The following SESN1 variants were observed in gnomAD, a reference collection of about 807,000 sequenced individuals.
SESN1 encodes the protein sestrin 1, also known as sestrin-1.
In SESN1, 30 loss-of-function variants were observed where a neutral mutation model predicts 59.3. The ratio of observed to expected loss-of-function variants is 0.51; its 90% CI spans 0.38 to 0.69. The LOEUF is 0.69. Among genes scored for constraint, SESN1 ranks in the 30% least tolerant of loss-of-function variants. The pLI, the probability that SESN1 is intolerant of heterozygous loss-of-function variation, is 0.00. For synonymous variants in SESN1, 197 were observed against 219.9 expected (o/e 0.90, Z 0.92); for missense variants, 566 against 673.0 (o/e 0.84, Z 1.76).
intron 1 of SESN1, among the ~76,000 whole-genome samples, chr6:109,061,791 G>A (rs1223504469): frequency 7.2e-5 from 11 of 152,010 alleles, no homozygotes; most frequent in African/African-American, 2.4e-4. Flanking sequence ...GCAACAGAGC[G>A]AGATCCTGTC....
Position 108,992,863 on chromosome 6 carries a change from C to T in SESN1, c.1157G>A (p.Arg386His), listed in dbSNP as rs780468161. 1.2e-5 allele frequency: 20 copies of T among 1,613,068 alleles called. No individual in the cohort carries two copies. Among genetic ancestry groups the T allele is most frequent in the Middle Eastern group, 1.6e-4 (1 of 6,080 alleles). ...GCCATAACTAGTATCCTCAAAATGA[C>T]GAGATACAGCTCTTGCTGGTGTAAC... ...EEVTPARAVS[R>H]HFEDTSYGYK... The change falls in exon 7 of 10, where the codon CGT becomes CAT. Residue 386 changes from arginine to histidine, a missense_variant. By Grantham distance (29) the Arg-to-His change is conservative. Transcript: ENST00000436639.
chr6:109,087,521 G>A (rs1258114852), intron 1 of SESN1, among the ~76,000 whole-genome samples: 1 of 152,144 alleles, frequency 6.6e-6, no homozygotes, highest in Non-Finnish European at 1.5e-5. Flanking sequence ...CTGAGGGAAA[G>A]GGACCGAGTT....
chr6:109,040,294 C>A (rs897700507), intron 1 of SESN1, among the ~76,000 whole-genome samples: 1 of 151,938 alleles, frequency 6.6e-6, no homozygotes, highest in African/African-American at 2.4e-5. Flanking sequence ...TTTAAATACA[C>A]CTTTTTGAAC....
At chr6:109,066,430 G>A (rs1780827339) in intron 1 of SESN1, among the ~76,000 whole-genome samples, 1 of 151,792 alleles carries the variant, frequency 6.6e-6, no homozygotes, top group African/African-American at 2.4e-5. Flanking sequence ...GAAGGAATGT[G>A]GATCCCTCTG....
In SESN1 at chr6:109,038,985, A is replaced by G. The variant is rs6934573; in HGVS notation, c.280-36642T>C. Among the ~76,000 whole-genome samples, 1,307 of 151,012 alleles carry G rather than the reference A, an allele frequency of 8.7e-3. 21 individuals carry two copies. The highest frequency in any genetic ancestry group is 0.029 in the African/African-American group (1,209 of 41,090). ...GGAGAAGAAGGAAAAGAAAAAGAAG[A>G]AGGAGGAGGAGGAGAAAAGAAGAAA... is the stretch of plus-strand genomic sequence containing the variant. On this transcript the variant is annotated intron_variant, in intron 1 of 9. Transcript: ENST00000436639.
At position 109,094,009 on chromosome 6, in the gene SESN1, T is replaced by C. The variant is rs1273163421; in HGVS notation, c.65A>G (p.Glu22Gly). 1.2e-6 allele frequency: 2 copies of C among 1,614,192 alleles called. No homozygotes were observed. The highest frequency in any genetic ancestry group is 8.5e-7 in the Non-Finnish European group (1 of 1,180,026). The change falls in exon 1 of 10, where the codon GAG (glutamate) becomes GGG (glycine). Residue 22 changes from glutamate (E) to glycine (G), a missense_variant. By Grantham distance (98) the Glu-to-Gly change is moderately conservative. Transcript: ENST00000436639. ...TTGCCTAATGTTTTCCAATGCTGTC[T>C]CCCTAGTAGTTGAATCTCTGCTGCA... ...GLCSRDSTTR[E>G]TALENIRQTI...
At chr6:108,993,277 A>AT (rs1779428655) in intron 6 of SESN1, among the ~76,000 whole-genome samples, 1 of 150,640 alleles carries the variant, frequency 6.6e-6, no homozygotes, top group Non-Finnish European at 1.5e-5. Flanking sequence ...CACTTAGATT[A>AT]TTTTTGTTGA....
chr6:109,067,537 C>G (rs1325987921), intron 1 of SESN1, among the ~76,000 whole-genome samples: 1 of 152,206 alleles, frequency 6.6e-6, no homozygotes, highest in Non-Finnish European at 1.5e-5. Context: ...GGCAGAGCCT[C>G]ATTCCTATGG....
chr6:109,008,861 T>C, intron 1 of SESN1: 1 of 985,812 alleles, frequency 1.0e-6, no homozygotes, highest in South Asian at 4.7e-5. Flanking sequence ...CATCATCTCT[T>C]CCCTGAGTCA....
At chr6:109,015,070 TA>T (rs2114357030) in intron 1 of SESN1, among the ~76,000 whole-genome samples, 1 of 152,306 alleles carries the variant, frequency 6.6e-6, no homozygotes, top group South Asian at 2.1e-4. Context: ...ATGTTTCCAT[TA>T]AAAAATTGTT....
chr6:108,995,195 T>C (rs1341467100), intron 5 of SESN1, among the ~76,000 whole-genome samples: 1 of 152,198 alleles, frequency 6.6e-6, no homozygotes, highest in Non-Finnish European at 1.5e-5. Context: ...TTACCATTTA[T>C]GCTGTTTTAA....
intron 1 of SESN1, among the ~76,000 whole-genome samples, chr6:109,066,456 G>A (rs1252089303): frequency 1.3e-5 from 2 of 152,058 alleles, no homozygotes; most frequent in Non-Finnish European, 2.9e-5. Flanking sequence ...AAATGAAAAA[G>A]AAAGTAGGTG....
chr6:109,085,515 T>TCACACACACACACACA (rs59793015), intron 1 of SESN1, among the ~76,000 whole-genome samples: 7 of 148,414 alleles, frequency 4.7e-5, no homozygotes, highest in African/African-American at 1.7e-4. Context: ...TGACACTCCG[T>TCACACACACACACACA]CACACACACA....
chr6:109,027,363 G>A (rs750951370), intron 1 of SESN1, among the ~76,000 whole-genome samples: 1 of 150,020 alleles, frequency 6.7e-6, no homozygotes, highest in African/African-American at 2.5e-5. Context: ...TGTAATCCCA[G>A]CTACTTAGGA....
chr6:109,059,096 T>TACACACACACACACACACACACAC (rs373238799), intron 1 of SESN1, among the ~76,000 whole-genome samples: 2 of 149,718 alleles, frequency 1.3e-5, no homozygotes, highest in South Asian at 4.2e-4. Flanking sequence ...TATCACTTCA[T>TACACACACACACACACACACACAC]ACACACACAC....
chr6:109,068,412 C>T (rs1780871084), intron 1 of SESN1, among the ~76,000 whole-genome samples: 1 of 151,998 alleles, frequency 6.6e-6, no homozygotes, highest in Admixed American at 6.6e-5. Flanking sequence ...GCTAAATAAA[C>T]ATGTCAATAG....
At chr6:108,988,757 C>T (rs1779273858) in intron 8 of SESN1, 70 bp from the exon 9 acceptor site, 2 of 1,255,420 alleles carry the variant, frequency 1.6e-6, no homozygotes, top group African/African-American at 1.5e-5. Flanking sequence ...CAAAAGTATA[C>T]ACATCAATAG....
At chr6:109,058,782 C>T (rs1353541084) in intron 1 of SESN1, among the ~76,000 whole-genome samples, 1 of 152,112 alleles carries the variant, frequency 6.6e-6, no homozygotes, top group Non-Finnish European at 1.5e-5. Context: ...CCAAAATCAT[C>T]AAACAATCTA....
intron 1 of SESN1, among the ~76,000 whole-genome samples, chr6:109,053,685 T>C (rs1330243523): frequency 6.6e-6 from 1 of 152,220 alleles, no homozygotes; most frequent in Non-Finnish European, 1.5e-5. Context: ...GAGAAGGCAT[T>C]AGACGCTTTC....
Sources: gnomAD v4.1 joint callset for allele counts (sites outside exome capture counted in the v4.1 genomes callset) on GRCh38, gnomAD v4.1.1 for gene constraint, MANE v1.5 for transcripts, NCBI Gene and HGNC (gene_info 2026-07-23, HGNC 2026-07-21) for gene names.